Variants in TBC1D8 observed in about 807,000 individuals in gnomAD.
TBC1D8 encodes the protein TBC1 domain family member 8.
TBC1D8 carries 65 observed loss-of-function variants against 118.8 expected under a neutral mutation model. That is an observed-to-expected ratio of 0.55 (90% confidence interval 0.45 to 0.67). TBC1D8 has a LOEUF of 0.67. Among genes scored for constraint, TBC1D8 ranks in the 30% least tolerant of loss-of-function variants. TBC1D8 has a pLI of 0.00. For synonymous variants in TBC1D8, 566 were observed against 595.8 expected (o/e 0.95, Z 0.73); for missense variants, 1,376 against 1,471.2 (o/e 0.94, Z 1.06).
intron 17 of TBC1D8, among the ~76,000 whole-genome samples, chr2:101,016,186 C>T (rs1679620844): frequency 2.0e-5 from 3 of 152,052 alleles, no homozygotes; most frequent in African/African-American, 7.2e-5. Context: ...TGAGAAAGGG[C>T]TAATATCCAG....
chr2:101,056,940 C>T (rs1054531114), intron 3 of TBC1D8, among the ~76,000 whole-genome samples: 1 of 152,144 alleles, frequency 6.6e-6, no homozygotes, highest in Admixed American at 6.6e-5. Context: ...AGGATTTGGC[C>T]AGAGGAAAGG....
Position 101,029,690 on chromosome 2 carries a change from G to C in TBC1D8, c.2023C>G (p.Leu675Val). ...AACCACGAGAGAGAGACGGACGCCA[G>C]GGCTGAGAGGTCGTTCATGTGCTCT... ...LAEHMNDLSA[L>V]ASVSLSWFLT... The change falls in exon 12 of 20, where the codon CTG becomes GTG. Residue 675 changes from leucine to valine, a missense_variant. By Grantham distance (32) the Leu-to-Val change is conservative. Coordinates refer to ENST00000409318, the MANE Select transcript of TBC1D8 (RefSeq NM_001330348.2). 1 of 1,614,014 alleles carries C rather than the reference G, an allele frequency of 6.2e-7. No individual in the cohort carries two copies. Among genetic ancestry groups the C allele is most frequent in the Non-Finnish European group, 8.5e-7 (1 of 1,179,882 alleles).
intron 15 of TBC1D8, 129 bp from the exon 16 acceptor site, chr2:101,022,650 T>C (rs1680109163): frequency 3.0e-6 from 4 of 1,349,360 alleles, no homozygotes; most frequent in Non-Finnish European, 3.9e-6. Flanking sequence ...AGTGTTCCCT[T>C]GTTACCCTGA....
intron 1 of TBC1D8, among the ~76,000 whole-genome samples, chr2:101,131,968 G>GGTATATAT (rs1678615128): frequency 3.3e-5 from 5 of 152,138 alleles, no homozygotes; most frequent in African/African-American, 1.2e-4. Context: ...TTTACATCTT[G>GGTATATAT]TTAACACAGA....
intron 2 of TBC1D8, among the ~76,000 whole-genome samples, chr2:101,078,543 T>C (rs1331279841): frequency 1.3e-5 from 2 of 152,118 alleles, no homozygotes; most frequent in African/African-American, 4.8e-5. Context: ...AGAAATATTA[T>C]AATTTCTAGA....
intron 4 of TBC1D8, among the ~76,000 whole-genome samples, chr2:101,051,534 G>T (rs569755332): frequency 6.6e-6 from 1 of 152,008 alleles, no homozygotes; most frequent in Admixed American, 6.6e-5. Context: ...CAGAATAGGG[G>T]AAGTTTTTTG....
At chr2:101,141,947 C>G (rs1197452406) in intron 1 of TBC1D8, among the ~76,000 whole-genome samples, 1 of 152,092 alleles carries the variant, frequency 6.6e-6, no homozygotes, top group Non-Finnish European at 1.5e-5. Flanking sequence ...ATATTCTCAT[C>G]CCTATTAGTA....
chr2:101,050,106 C>T (rs973523521), intron 5 of TBC1D8, among the ~76,000 whole-genome samples: 6 of 152,154 alleles, frequency 3.9e-5, no homozygotes, highest in Non-Finnish European at 8.8e-5. Flanking sequence ...GGATTACAGG[C>T]GTGAGCCACC....
chr2:101,136,625 A>C (rs1678863926), intron 1 of TBC1D8, among the ~76,000 whole-genome samples: 1 of 152,196 alleles, frequency 6.6e-6, no homozygotes, highest in South Asian at 2.1e-4. Flanking sequence ...ATCTAAAGGA[A>C]GCTACAGGTT....
At chr2:101,012,916 T>C (rs1476552773) in intron 17 of TBC1D8, among the ~76,000 whole-genome samples, 1 of 152,228 alleles carries the variant, frequency 6.6e-6, no homozygotes, top group Non-Finnish European at 1.5e-5. Context: ...GTGGCACATG[T>C]AAGAATCCAC....
intron 2 of TBC1D8, among the ~76,000 whole-genome samples, chr2:101,083,616 C>G (rs1350930846): frequency 6.6e-6 from 1 of 152,190 alleles, no homozygotes; most frequent in African/African-American, 2.4e-5. Context: ...CTACCTATCT[C>G]TACTTAGAAA....
chr2:101,020,421 ACT>A (rs1679962800), intron 17 of TBC1D8, among the ~76,000 whole-genome samples: 1 of 152,174 alleles, frequency 6.6e-6, no homozygotes, highest in Admixed American at 6.5e-5. Context: ...ATAAATTAAA[ACT>A]CAATTTGTAT....
intron 2 of TBC1D8, among the ~76,000 whole-genome samples, chr2:101,065,105 G>GT (rs1281605813): frequency 6.6e-6 from 1 of 152,128 alleles, no homozygotes; most frequent in African/African-American, 2.4e-5. Flanking sequence ...TATGCCCACA[G>GT]CTCCTGCATG....
At chr2:101,148,403 C>A (rs1679406585) in intron 1 of TBC1D8, among the ~76,000 whole-genome samples, 2 of 152,110 alleles carry the variant, frequency 1.3e-5, no homozygotes, top group African/African-American at 4.8e-5. Flanking sequence ...CAGGTAAATA[C>A]CTGCCCTCAT....
chr2:101,059,361 G>T, intron 3 of TBC1D8, 60 bp downstream of exon 3: 2 of 1,367,022 alleles, frequency 1.5e-6, no homozygotes, highest in South Asian at 1.2e-5. Context: ...ACAGTGTTCG[G>T]AATGTCTTAA....
intron 1 of TBC1D8, among the ~76,000 whole-genome samples, chr2:101,114,449 A>G (rs1384747613): frequency 1.2e-4 from 19 of 152,068 alleles, no homozygotes; most frequent in Non-Finnish European, 2.9e-5. Flanking sequence ...AATTCAAAGA[A>G]CCCAGTTGTT....
At chr2:101,114,356 C>T (rs920827347) in intron 1 of TBC1D8, among the ~76,000 whole-genome samples, 1 of 118,282 alleles carries the variant, frequency 8.5e-6, no homozygotes, top group African/African-American at 2.7e-5. Flanking sequence ...GATCCTTTAT[C>T]GGTTCGCAAC....
intron 2 of TBC1D8, among the ~76,000 whole-genome samples, chr2:101,067,239 G>A (rs945459880): frequency 2.0e-5 from 3 of 152,176 alleles, no homozygotes; most frequent in Non-Finnish European, 4.4e-5. Context: ...TAAGGTAGAC[G>A]TACAGCCATG....
At chr2:101,139,901 TCA>T (rs1241519400) in intron 1 of TBC1D8, among the ~76,000 whole-genome samples, 1 of 152,142 alleles carries the variant, frequency 6.6e-6, no homozygotes, top group African/African-American at 2.4e-5. Flanking sequence ...TGGCTTAGTA[TCA>T]CCCCACAATC....
Sources: gnomAD v4.1 joint callset for allele counts (sites outside exome capture counted in the v4.1 genomes callset) on GRCh38, gnomAD v4.1.1 for gene constraint, MANE v1.5 for transcripts, NCBI Gene and HGNC (gene_info 2026-07-23, HGNC 2026-07-21) for gene names.